CAP2: variants seen among roughly 807,000 people sequenced by gnomAD.
CAP2 encodes cyclase associated actin cytoskeleton regulatory protein 2.
In CAP2, 24 loss-of-function variants were observed where a neutral mutation model predicts 57.7. The observed-to-expected ratio is 0.42, with a 90% confidence interval of 0.30 to 0.58. The LOEUF is 0.58. Ranked by LOEUF, CAP2 falls within the 20% of genes least tolerant of loss-of-function variation. The pLI, the probability that CAP2 is intolerant of heterozygous loss-of-function variation, is 0.22. For missense variants in CAP2, 501 were observed against 590.3 expected (o/e 0.85, Z 1.57); for synonymous variants, 194 against 207.2 (o/e 0.94, Z 0.55).
At chr6:17,459,198 G>A (rs1047528996) in intron 3 of CAP2, among the ~76,000 whole-genome samples, 1 of 152,220 alleles carries the variant, frequency 6.6e-6, no homozygotes, top group African/African-American at 2.4e-5. Flanking sequence ...TGTGTTCCAA[G>A]AATGGGGAGT....
chr6:17,467,272 T>A (rs1760888954), intron 4 of CAP2, among the ~76,000 whole-genome samples: 1 of 152,228 alleles, frequency 6.6e-6, no homozygotes, highest in Non-Finnish European at 1.5e-5. Flanking sequence ...TTTAAGCCAC[T>A]GAGTTTGTGG....
At chr6:17,521,955 A>T (rs1175904204) in intron 7 of CAP2, among the ~76,000 whole-genome samples, 1 of 152,054 alleles carries the variant, frequency 6.6e-6, no homozygotes, top group Non-Finnish European at 1.5e-5. Flanking sequence ...CTAAAAATAC[A>T]AAAATTAGCT....
At chr6:17,437,483 A>C (rs1173251443) in intron 3 of CAP2, among the ~76,000 whole-genome samples, 1 of 152,218 alleles carries the variant, frequency 6.6e-6, no homozygotes, top group Non-Finnish European at 1.5e-5. Context: ...GGGGGATGTC[A>C]GTGGAGTTTT....
At chr6:17,534,214 C>T (rs969899228) in intron 7 of CAP2, among the ~76,000 whole-genome samples, 1 of 152,188 alleles carries the variant, frequency 6.6e-6, no homozygotes, top group Non-Finnish European at 1.5e-5. Flanking sequence ...TAGGATAAAA[C>T]ATACTATAAA....
intron 3 of CAP2, among the ~76,000 whole-genome samples, chr6:17,433,767 A>G (rs1396354159): frequency 6.6e-6 from 1 of 152,270 alleles, no homozygotes; most frequent in Non-Finnish European, 1.5e-5. Context: ...CGTAGAACAC[A>G]TAGTTTGCTA....
intron 1 of CAP2, among the ~76,000 whole-genome samples, chr6:17,413,013 G>A (rs1193012453): frequency 6.6e-6 from 1 of 152,110 alleles, no homozygotes; most frequent in South Asian, 2.1e-4. Flanking sequence ...GGATAGGGTA[G>A]GACACGTTTG....
intron 11 of CAP2, among the ~76,000 whole-genome samples, chr6:17,548,739 T>C (rs930824703): frequency 1.3e-5 from 2 of 152,228 alleles, no homozygotes; most frequent in Non-Finnish European, 2.9e-5. Flanking sequence ...TAAAGTGCTA[T>C]ATTGTTAGTG....
chr6:17,458,530 G>A lies in CAP2; in HGVS notation c.223-4466G>A, dbSNP rs561470647. On this transcript the variant is annotated intron_variant, in intron 3 of 12. Coordinates refer to ENST00000229922, the MANE Select transcript of CAP2 (RefSeq NM_006366.3). Reference sequence around the variant, plus strand: ...GTTCGTTCATTTCATTTATGTTTTGGAACATTTGTCAGATGCCAAAACGTT... The same window carrying A: ...GTTCGTTCATTTCATTTATGTTTTGAAACATTTGTCAGATGCCAAAACGTT... Among the ~76,000 whole-genome samples, 55 of 152,256 alleles carry A rather than the reference G, an allele frequency of 3.6e-4. 1 individual carries two copies. The South Asian group carries it at 0.011, about 31-fold the overall frequency.
At chr6:17,517,017 G>T (rs1230448766) in intron 7 of CAP2, among the ~76,000 whole-genome samples, 1 of 152,132 alleles carries the variant, frequency 6.6e-6, no homozygotes, top group Admixed American at 6.5e-5. Flanking sequence ...AATAAGTAAG[G>T]GTATGTGTGG....
intron 7 of CAP2, among the ~76,000 whole-genome samples, chr6:17,530,676 A>C (rs1484855695): frequency 6.6e-6 from 1 of 152,142 alleles, no homozygotes; most frequent in Non-Finnish European, 1.5e-5. Flanking sequence ...CAAATATGTA[A>C]AGACAGGTGG....
chr6:17,548,096 G>C (rs1453718649), intron 11 of CAP2, among the ~76,000 whole-genome samples: 2 of 152,076 alleles, frequency 1.3e-5, no homozygotes, highest in Non-Finnish European at 2.9e-5. Flanking sequence ...GGCCGAGCGT[G>C]GTGGCTCATG....
intron 7 of CAP2, among the ~76,000 whole-genome samples, chr6:17,534,752 A>G (rs550185235): frequency 6.6e-6 from 1 of 152,106 alleles, no homozygotes; most frequent in Non-Finnish European, 1.5e-5. Context: ...TTTCCTTCTC[A>G]TCCAGTCTAG....
chr6:17,518,663 G>T (rs1178904738), intron 7 of CAP2, among the ~76,000 whole-genome samples: 2 of 151,512 alleles, frequency 1.3e-5, no homozygotes, highest in Admixed American at 6.6e-5. Flanking sequence ...TTTGAGACAG[G>T]GTCTCACTGT....
intron 7 of CAP2, among the ~76,000 whole-genome samples, chr6:17,526,369 G>C (rs59533657): frequency 0.35 from 53,275 of 151,266 alleles, 10,380 homozygotes; most frequent in African/African-American, 0.54. Context: ...CCAACCTTCT[G>C]TGCCTCCCAA....
chr6:17,414,386 C>T (rs138329254), intron 1 of CAP2, among the ~76,000 whole-genome samples: 1 of 152,180 alleles, frequency 6.6e-6, no homozygotes, highest in East Asian at 1.9e-4. Flanking sequence ...ATTGACCCGT[C>T]CTCCAAGTTC....
At chr6:17,484,070 A>AT (rs1446099868) in intron 4 of CAP2, among the ~76,000 whole-genome samples, 1 of 151,880 alleles carries the variant, frequency 6.6e-6, no homozygotes, top group Non-Finnish European at 1.5e-5. Context: ...GATGAGAACT[A>AT]TTTTTGCAGA....
Position 17,421,581 on chromosome 6 carries a change from A to G in CAP2, c.26A>G (p.Glu9Gly). 1 of 1,614,152 alleles carries G rather than the reference A, an allele frequency of 6.2e-7. No homozygotes were observed. The highest frequency in any genetic ancestry group is 8.5e-7 in the Non-Finnish European group (1 of 1,180,016). The change falls in exon 2 of 13, where the codon GAA (glutamate) becomes GGA (glycine). Residue 9 changes from glutamate to glycine, a missense_variant. Coordinates refer to ENST00000229922, the MANE Select transcript of CAP2 (RefSeq NM_006366.3). ...ATGGCCAACATGCAGGGACTGGTGG[A>G]AAGACTGGAACGAGCTGTCAGCCGC... Reference protein sequence around the residue: MANMQGLVERLERAVSRLE... With the variant: MANMQGLVGRLERAVSRLE...
At chr6:17,526,956 C>CAAAAAAAAAAAAAAAA (rs1221212193) in intron 7 of CAP2, among the ~76,000 whole-genome samples, 1 of 80,114 alleles carries the variant, frequency 1.2e-5, no homozygotes, top group African/African-American at 5.1e-5. Context: ...GACTCTGTCT[C>CAAAAAAAAAAAAAAAA]AAAAAAAAAA....
intron 3 of CAP2, among the ~76,000 whole-genome samples, chr6:17,457,193 CTCACAGGCAGATAGATGCACATGT>C (rs1760593888): frequency 6.6e-6 from 1 of 152,234 alleles, no homozygotes; most frequent in Non-Finnish European, 1.5e-5. Context: ...CACACACATG[CTCACAGGCAGATAGATGCACATGT>C]TCACCCACAA....
Sources: gnomAD v4.1 joint callset for allele counts (sites outside exome capture counted in the v4.1 genomes callset) on GRCh38, gnomAD v4.1.1 for gene constraint, MANE v1.5 for transcripts, NCBI Gene and HGNC (gene_info 2026-07-23, HGNC 2026-07-21) for gene names.